The following HEMGN variants were observed in gnomAD, a reference collection of about 807,000 sequenced individuals.
HEMGN encodes the protein hemogen.
Under a neutral mutation model 45.7 loss-of-function variants are expected in HEMGN, and 32 were observed. The observed-to-expected ratio is 0.70, with a 90% CI of 0.53 to 0.94. The LOEUF (loss-of-function observed/expected upper bound fraction) is 0.94. Among genes scored for constraint, HEMGN ranks in the 40% least tolerant of loss-of-function variants. The pLI is 0.00. For synonymous variants in HEMGN, 183 were observed against 178.6 expected (o/e 1.02, Z -0.20); for missense variants, 530 against 564.2 (o/e 0.94, Z 0.61).
Position 97,931,010 on chromosome 9 carries a change from G to T in HEMGN, c.385C>A (p.Pro129Thr). Residue 129 changes from proline (P) to threonine (T), a missense_variant, in exon 3 of 4, where the codon CCT (proline) becomes ACT (threonine). Pro to Thr is a conservative substitution (Grantham distance 38). Coordinates refer to ENST00000616898, the MANE Select transcript of HEMGN (RefSeq NM_197978.3). ...CATATTTCAGAAAAGTGTTCCTCAG[G>T]CACAACTTTTTGCGGGGAGGCTACT... Reference protein sequence around the residue: ...PSVASPQKVVPEEHFSEICQE... With the variant: ...PSVASPQKVVTEEHFSEICQE... The T allele has an allele frequency of 1.9e-6, 3 of 1,614,072 alleles. No individual in the cohort carries two copies. The highest frequency in any genetic ancestry group is 2.5e-6 in the Non-Finnish European group (3 of 1,180,004).
intron 3 of HEMGN, 116 bp from the exon 4 acceptor site, chr9:97,927,594 G>C: frequency 1.6e-6 from 1 of 624,760 alleles, no homozygotes; most frequent in South Asian, 2.0e-5. Flanking sequence ...ACCGTAGATG[G>C]GGTAAATTTT....
rs774200186 is a variant in HEMGN, at chr9:97,930,935, C to A, written c.460G>T (p.Ala154Ser). 6.2e-7 allele frequency: 1 copy of A among 1,614,140 alleles called. No individual in the cohort carries two copies. The highest frequency in any genetic ancestry group is 1.1e-5 in the South Asian group (1 of 91,082). ...GTTTCAGAAGAATGGTTTTGTACTGCTATTTCTTGGTACTCAGAAAAATTC... is the reference window on the plus strand; with the variant it reads ...GTTTCAGAAGAATGGTTTTGTACTGATATTTCTTGGTACTCAGAAAAATTC... ...QENFSEYQEI[A>S]VQNHSSETCQ... Residue 154 changes from alanine (A) to serine (S), a missense_variant, in exon 3 of 4, where the codon GCA (alanine) becomes TCA (serine). By Grantham distance (99) the Ala-to-Ser change is moderately conservative. Coordinates refer to ENST00000616898, the MANE Select transcript of HEMGN (RefSeq NM_197978.3).
At chr9:97,943,339 C>T (rs1226277437) in intron 1 of HEMGN, among the ~76,000 whole-genome samples, 1 of 152,176 alleles carries the variant, frequency 6.6e-6, no homozygotes, top group Non-Finnish European at 1.5e-5. Context: ...TCCTTGCTGA[C>T]ATACTTTTTC....
In HEMGN at chr9:97,930,466, A is replaced by C. The variant is rs775207073; in HGVS notation, c.929T>G (p.Leu310Arg). ...TGATTCTTGGTGTGTTTTTGTAGAAAGGTCTTTAGGCTCAGCTATTTCTTG... is the reference window on the plus strand; with the variant it reads ...TGATTCTTGGTGTGTTTTTGTAGAACGGTCTTTAGGCTCAGCTATTTCTTG... ...KIQEIAEPKD[L>R]STKTHQESAE... The change falls in exon 3 of 4, where the codon CTT becomes CGT. Residue 310 changes from leucine (L) to arginine (R), a missense_variant. By Grantham distance (102) the Leu-to-Arg change is moderately radical. Coordinates refer to ENST00000616898, the MANE Select transcript of HEMGN (RefSeq NM_197978.3). 18 of 1,614,096 alleles carry C rather than the reference A, an allele frequency of 1.1e-5. No individual in the cohort carries two copies. In the East Asian group the frequency reaches 3.3e-4, roughly 30 times the overall value.
intron 3 of HEMGN, 26 bp from the exon 4 acceptor site, chr9:97,927,504 T>A: frequency 6.9e-7 from 1 of 1,451,700 alleles, no homozygotes; most frequent in Middle Eastern, 1.8e-4. Flanking sequence ...AAATAAAAAA[T>A]AGATTCAATA....
chr9:97,934,175 C>T (rs1334104848), intron 2 of HEMGN, among the ~76,000 whole-genome samples: 9 of 152,096 alleles, frequency 5.9e-5, no homozygotes, highest in South Asian at 2.1e-4. Flanking sequence ...GGCGAAACCC[C>T]GTCTCTACTA....
intron 1 of HEMGN, among the ~76,000 whole-genome samples, chr9:97,936,884 G>A (rs1190708293): frequency 6.6e-6 from 1 of 151,904 alleles, no homozygotes; most frequent in Non-Finnish European, 1.5e-5. Flanking sequence ...GCTTTTCTTT[G>A]GTATTTTTTC....
chr9:97,931,173 T>G lies in HEMGN; in HGVS notation c.222A>C (p.Arg74Ser), dbSNP rs202156150. ...KQQRTGKGNR[R>S]GRKRQQNTEL... ...CTGTGTTTTGTTGTCTCTTTCTGCC[T>G]CTTCGATTTCCTTTTCCTGTTCTCT... is the stretch of plus-strand genomic sequence containing the variant. The change falls in exon 3 of 4, where the codon AGA becomes AGC. Residue 74 changes from arginine to serine, a missense_variant. Arg to Ser is a moderately radical substitution (Grantham distance 110, BLOSUM62 -1). Transcript: ENST00000616898. The G allele has an allele frequency of 1.6e-5, 25 of 1,611,560 alleles. No individual in the cohort carries two copies. The highest frequency in any genetic ancestry group is 3.4e-5 in the Admixed American group (2 of 59,408).
At chr9:97,933,236 T>C (rs1219403168) in intron 2 of HEMGN, among the ~76,000 whole-genome samples, 1 of 152,206 alleles carries the variant, frequency 6.6e-6, no homozygotes, top group Non-Finnish European at 1.5e-5. Context: ...ATAACTTACA[T>C]GAATGAATTA....
upstream of HEMGN, among the ~76,000 whole-genome samples, chr9:97,940,923 A>G (rs1827142792): frequency 6.6e-6 from 1 of 152,140 alleles, no homozygotes; most frequent in South Asian, 2.1e-4. Flanking sequence ...TAATAGCAAT[A>G]TCATCATCTG....
intron 2 of HEMGN, among the ~76,000 whole-genome samples, chr9:97,932,803 CAA>C (rs5899328): frequency 1.2e-3 from 108 of 87,244 alleles, no homozygotes; most frequent in Middle Eastern, 6.8e-3. Flanking sequence ...GACTCTGTCT[CAA>C]AAAAAAAAAA....
chr9:97,943,322 CA>C (rs1827178585), intron 1 of HEMGN, among the ~76,000 whole-genome samples: 1 of 152,156 alleles, frequency 6.6e-6, no homozygotes, highest in Non-Finnish European at 1.5e-5. Context: ...TTTTTCTTAG[CA>C]TTCCTTCCTT....
rs75389611 is a variant in HEMGN, at chr9:97,944,605, T to C, written c.-56+163A>G. On this transcript the variant is annotated intron_variant, in intron 1 of 4. Transcript: ENST00000259456. ...CCAGAATATTCCTGCTACAGCTGGC[T>C]CTGAACCAGTCACTTCCATGTTTAG... Among the ~76,000 whole-genome samples, 7 of 152,322 alleles carry C rather than the reference T, an allele frequency of 4.6e-5. No individual in the cohort carries two copies. In the East Asian group the frequency reaches 1.3e-3, roughly 29 times the overall value.
At chr9:97,929,618 T>TG (rs141129381) in intron 3 of HEMGN, among the ~76,000 whole-genome samples, 45,788 of 152,152 alleles carry the variant, frequency 0.3, 7,686 homozygotes, top group Non-Finnish European at 0.37. Context: ...TTTACAGCTT[T>TG]TATCTCCCTC....
upstream of HEMGN, chr9:97,938,338 G>T: frequency 1.9e-6 from 1 of 530,456 alleles, no homozygotes; most frequent in South Asian, 2.6e-5. Context: ...CACTGCACAG[G>T]TGTGAGTAGG....
Position 97,931,201 on chromosome 9 carries a change from T to C in HEMGN, c.194A>G (p.Gln65Arg), listed in dbSNP as rs956296629. Residue 65 changes from glutamine (Q) to arginine (R), a missense_variant, in exon 3 of 4, where the codon CAG becomes CGG. Transcript: ENST00000616898. Reference sequence around the variant, plus strand: ...TCGATTTCCTTTTCCTGTTCTCTGCTGCTTGCGTTTTTTCTGTTCTCTGCA... The same window carrying C: ...TCGATTTCCTTTTCCTGTTCTCTGCCGCTTGCGTTTTTTCTGTTCTCTGCA... ...WLFGEQKKRK[Q>R]QRTGKGNRRG... 2 of 1,604,258 alleles carry C rather than the reference T, an allele frequency of 1.2e-6. No homozygotes were observed. Among genetic ancestry groups the C allele is most frequent in the Non-Finnish European group, 1.7e-6 (2 of 1,177,616 alleles).
In HEMGN at chr9:97,930,362, C is replaced by T. The variant is rs1486979372; in HGVS notation, c.1033G>A (p.Glu345Lys). Reference protein sequence around the residue: ...PKAPSHKTIQETPHSEDYSIE... With the variant: ...PKAPSHKTIQKTPHSEDYSIE... ...GAATAGTCTTCAGAATGAGGTGTTT[C>T]TTGGATTGTTTTATGAGAGGGGGCT... The change falls in exon 3 of 4, where the codon GAA becomes AAA. Residue 345 changes from glutamate to lysine, a missense_variant. Coordinates refer to ENST00000616898, the MANE Select transcript of HEMGN (RefSeq NM_197978.3). 1.6e-5 allele frequency: 26 copies of T among 1,613,530 alleles called. No homozygotes were observed. Among genetic ancestry groups the T allele is most frequent in the Non-Finnish European group, 1.9e-5 (23 of 1,179,932 alleles).
Position 97,930,403 on chromosome 9 carries a change from T to C in HEMGN, c.992A>G (p.Glu331Gly). 1 of 1,614,136 alleles carries C rather than the reference T, an allele frequency of 6.2e-7. No homozygotes were observed. Among genetic ancestry groups the C allele is most frequent in the Non-Finnish European group, 8.5e-7 (1 of 1,179,988 alleles). Residue 331 changes from glutamate (E) to glycine (G), a missense_variant, in exon 3 of 4, where the codon GAA (glutamate) becomes GGA (glycine). Coordinates refer to ENST00000616898, the MANE Select transcript of HEMGN (RefSeq NM_197978.3). ...AGAGGGGGCTTTAGGCACAATAATT[T>C]CGTTACATGTTTTATGAGGAAGGTA... is the stretch of plus-strand genomic sequence containing the variant. ...PKYLPHKTCN[E>G]IIVPKAPSHK... is the part of the protein sequence containing the mutation.
At chr9:97,929,017 C>T (rs779222794) in intron 3 of HEMGN, among the ~76,000 whole-genome samples, 2 of 152,192 alleles carry the variant, frequency 1.3e-5, no homozygotes, top group Non-Finnish European at 2.9e-5. Context: ...TTATAATGAA[C>T]ACTTACTACT....
Sources: allele counts gnomAD v4.1 joint callset (sites outside exome capture counted in the v4.1 genomes callset), GRCh38; gene constraint gnomAD v4.1.1; transcripts MANE v1.5; gene names NCBI Gene and HGNC (gene_info 2026-07-23, HGNC 2026-07-21).